Variants in ARMH3 observed in about 807,000 individuals in gnomAD.
ARMH3 encodes the protein armadillo like helical domain containing 3.
Under a neutral mutation model 99.1 loss-of-function variants are expected in ARMH3, and 60 were observed. The observed-to-expected ratio is 0.61, with a 90% CI of 0.49 to 0.75. The LOEUF is 0.75. ARMH3 is among the 30% of genes least tolerant of loss of function. ARMH3 has a pLI of 0.00. For missense variants in ARMH3, 679 were observed against 843.1 expected, an observed-to-expected ratio of 0.81 and a Z score of 2.41; for synonymous variants, 285 against 292.8, an observed-to-expected ratio of 0.97 and a Z score of 0.27.
intron 23 of ARMH3, among the ~76,000 whole-genome samples, chr10:101,905,094 T>C (rs150289522): frequency 1.3e-5 from 2 of 152,278 alleles, no homozygotes; most frequent in African/African-American, 4.8e-5. Flanking sequence ...TCTGTTAAGA[T>C]CTGAAGCAGA....
chr10:101,906,814 A>C (rs1241124227), intron 23 of ARMH3, among the ~76,000 whole-genome samples: 1 of 152,174 alleles, frequency 6.6e-6, no homozygotes, highest in Non-Finnish European at 1.5e-5. Context: ...GGTAGTAAAA[A>C]CTGTGAAGCC....
chr10:102,041,321 T>G (rs11191192), intron 1 of ARMH3, among the ~76,000 whole-genome samples: 40,369 of 151,248 alleles, frequency 0.27, 5,723 homozygotes, highest in East Asian at 0.52. Flanking sequence ...TATTAACAAA[T>G]TTCCTCTCTT....
chr10:101,864,106 C>G (rs1221867267), intron 24 of ARMH3, among the ~76,000 whole-genome samples: 1 of 143,424 alleles, frequency 7.0e-6, no homozygotes, highest in Non-Finnish European at 1.5e-5. Context: ...CACACACACA[C>G]AAAAACCAGA....
Position 101,889,937 on chromosome 10 carries a change from A to G in ARMH3, c.1782-447T>C, listed in dbSNP as rs2067647539. On this transcript the variant is annotated intron_variant, in intron 23 of 25. Transcript: ENST00000370033. The stretch of plus-strand genomic sequence containing the variant: ...GCAATCTTCATACTTGTTAGTAAAT[A>G]GTTTCAAACCAAAATTTTATATCCG... 2.0e-5 allele frequency among the ~76,000 whole-genome samples: 3 copies of G among 152,204 alleles called. No individual in the cohort carries two copies. The East Asian group carries it at 5.8e-4, about 29-fold the overall frequency.
intron 22 of ARMH3, among the ~76,000 whole-genome samples, chr10:101,954,614 A>G (rs1286142710): frequency 1.3e-5 from 2 of 152,220 alleles, no homozygotes; most frequent in Non-Finnish European, 2.9e-5. Flanking sequence ...ACTACTATAT[A>G]AATTTGTCAA....
intron 23 of ARMH3, among the ~76,000 whole-genome samples, chr10:101,909,009 A>G (rs950871488): frequency 7.9e-5 from 12 of 152,070 alleles, no homozygotes; most frequent in African/African-American, 2.9e-4. Flanking sequence ...AGTTTTAAAA[A>G]GTAAGTATTG....
intron 8 of ARMH3, among the ~76,000 whole-genome samples, chr10:102,016,668 T>G (rs2066755890): frequency 6.6e-6 from 1 of 152,228 alleles, no homozygotes; most frequent in African/African-American, 2.4e-5. Context: ...GCCAGGATCT[T>G]ATGTTGTGAA....
intron 5 of ARMH3, among the ~76,000 whole-genome samples, chr10:102,028,385 GAATA>G (rs377091892): frequency 3.3e-5 from 5 of 151,890 alleles, no homozygotes; most frequent in South Asian, 2.1e-4. Context: ...CTCATCTCAT[GAATA>G]AATAAATAAA....
Position 102,028,813 on chromosome 10 carries a change from T to C in ARMH3, c.414+825A>G, listed in dbSNP as rs1427155554. ...GGTGATGAAAATGTTCTGAAATTAA[T>C]AGTGATGATAATTGTATAATTCTAT... On this transcript the variant is annotated intron_variant, in intron 5 of 25. Coordinates refer to ENST00000370033, the MANE Select transcript of ARMH3 (RefSeq NM_024541.3). Among the ~76,000 whole-genome samples, 3 of 152,242 alleles carry C rather than the reference T, an allele frequency of 2.0e-5. No individual in the cohort carries two copies. The East Asian group carries it at 5.8e-4, about 29-fold the overall frequency.
intron 19 of ARMH3, among the ~76,000 whole-genome samples, chr10:101,978,657 T>C (rs1051873277): frequency 1.4e-4 from 21 of 151,898 alleles, no homozygotes; most frequent in Admixed American, 3.3e-4. Context: ...CTAAAAAAAT[T>C]AGGCCAGGCG....
rs1485779176 is a variant in ARMH3 at position 102,023,430 on chromosome 10, A to T, written c.669+47T>A. 2.6e-6 allele frequency: 4 copies of T among 1,532,182 alleles called. No individual in the cohort carries two copies. The Admixed American group carries it at 7.6e-5, about 29-fold the overall frequency. 94.9% of individuals were successfully genotyped at this position (1,532,182 alleles called of 1,614,324 possible). ...AGTCCTTTAGGAGGGGCCGCATTTAAGAAGATTATAGGCAGATAACAACTG... is the reference window on the plus strand; with the variant it reads ...AGTCCTTTAGGAGGGGCCGCATTTATGAAGATTATAGGCAGATAACAACTG... On this transcript the variant is annotated intron_variant, in intron 8 of 25. Transcript: ENST00000370033.
At chr10:102,013,485 T>TTCTTTATATAGGTATA (rs1321452255) in intron 9 of ARMH3, among the ~76,000 whole-genome samples, 1 of 152,202 alleles carries the variant, frequency 6.6e-6, no homozygotes, top group Non-Finnish European at 1.5e-5. Context: ...GCAAGACACC[T>TTCTTTATATAGGTATA]GGTCATCTTC....
Position 101,847,556 on chromosome 10 carries a change from A to T in ARMH3, c.2042T>A (p.Leu681Gln). The T allele has an allele frequency of 1.9e-6, 3 of 1,614,178 alleles. No individual in the cohort carries two copies. The highest frequency in any genetic ancestry group is 2.5e-6 in the Non-Finnish European group (3 of 1,180,004). The change falls in exon 26 of 26, where the codon CTG (leucine) becomes CAG (glutamine). Residue 681 changes from leucine to glutamine, a missense_variant. Around this residue, in one of 3 missense-constraint regions of ARMH3, gnomAD observed 389 missense variants for 456.5 expected, o/e 0.85. Coordinates refer to ENST00000370033, the MANE Select transcript of ARMH3 (RefSeq NM_024541.3). ...LAFHTLSQEV[L>Q]LKEFSTIS ...GGAGATAGTGGAGAACTCCTTGAGC[A>T]GGACTTCTTGGCTGAGTGTGTGGAA...
intron 19 of ARMH3, among the ~76,000 whole-genome samples, chr10:101,989,599 T>C (rs887781033): frequency 1.2e-4 from 18 of 152,064 alleles, no homozygotes; most frequent in Non-Finnish European, 2.2e-4. Context: ...TGTGCACCTG[T>C]AATCCCAGCT....
intron 19 of ARMH3, among the ~76,000 whole-genome samples, chr10:101,981,214 A>C (rs1846217204): frequency 1.3e-5 from 2 of 152,180 alleles, no homozygotes; most frequent in South Asian, 2.1e-4. Context: ...GAAAAAAAAC[A>C]GGGGTAGCTA....
intron 23 of ARMH3, among the ~76,000 whole-genome samples, chr10:101,935,023 T>C (rs550282646): frequency 1.3e-5 from 2 of 152,064 alleles, no homozygotes; most frequent in South Asian, 4.2e-4. Context: ...TTACAATGTC[T>C]GAATTTCCTA....
At chr10:101,924,509 C>T (rs1359685545) in intron 23 of ARMH3, among the ~76,000 whole-genome samples, 5 of 151,454 alleles carry the variant, frequency 3.3e-5, no homozygotes, top group African/African-American at 1.2e-4. Flanking sequence ...CTACAGGCGC[C>T]CGCCACCATG....
intron 20 of ARMH3, among the ~76,000 whole-genome samples, chr10:101,964,031 C>CACGCCTGGCTAATTTTTTGTATTTT (rs1464315371): frequency 6.6e-6 from 1 of 152,038 alleles, no homozygotes; most frequent in East Asian, 1.9e-4. Flanking sequence ...CGCCCGCCAC[C>CACGCCTGGCTAATTTTTTGTATTTT]ACGCCTGGCT....
At chr10:101,980,938 C>A (rs760580397) in intron 19 of ARMH3, among the ~76,000 whole-genome samples, 19 of 152,022 alleles carry the variant, frequency 1.2e-4, no homozygotes, top group Non-Finnish European at 1.9e-4. Flanking sequence ...AAGCCATCAT[C>A]CTCAGCAAAC....
Sources: gnomAD v4.1 joint callset for allele counts (sites outside exome capture counted in the v4.1 genomes callset) on GRCh38, gnomAD v4.1.1 for gene constraint, gnomAD v4.1.1 regional missense constraint, MANE v1.5 for transcripts, NCBI Gene and HGNC (gene_info 2026-07-23, HGNC 2026-07-21) for gene names.